Variants in NSUN4 observed in about 807,000 individuals in gnomAD.
The protein encoded by NSUN4 is NOP2/Sun RNA methyltransferase 4, also known as 5-cytosine rRNA methyltransferase NSUN4.
Under a neutral mutation model 43.8 loss-of-function variants are expected in NSUN4, and 31 were observed. The observed-to-expected ratio is 0.71, with a 90% CI of 0.53 to 0.96. The LOEUF (loss-of-function observed/expected upper bound fraction) is 0.96, where lower values mean the gene tolerates loss of function less well. Among genes scored for constraint, NSUN4 ranks in the 40% least tolerant of loss-of-function variants. The pLI is 0.00. For missense variants in NSUN4, 439 were observed against 475.6 expected (o/e 0.92, Z 0.72); for synonymous variants, 167 against 184.1 (o/e 0.91, Z 0.75).
rs769355173 is a variant in NSUN4, at chr1:46,361,632, A to G, written c.941A>G (p.His314Arg). The change falls in exon 6 of 6, where the codon CAC (histidine) becomes CGC (arginine). Residue 314 changes from histidine (H) to arginine (R), a missense_variant. By Grantham distance (29) the His-to-Arg change is conservative (BLOSUM62 0). Transcript: ENST00000474844. The part of the protein sequence containing the change: ...HVVYSTCSLS[H>R]LQNEYVVQGA... ...GTCTATTCTACCTGCTCACTCTCAC[A>G]CTTACAGAACGAGTATGTGGTGCAA... is the stretch of plus-strand genomic sequence containing the variant. 4 of 1,614,098 alleles carry G rather than the reference A, an allele frequency of 2.5e-6. No individual in the cohort carries two copies. The highest frequency in any genetic ancestry group is 3.4e-6 in the Non-Finnish European group (4 of 1,180,002).
intron 1 of NSUN4, 37 bp from the exon 2 acceptor site, chr1:46,344,764 A>G (rs980427856): frequency 6.3e-7 from 1 of 1,575,676 alleles, no homozygotes; most frequent in African/African-American, 1.3e-5. Flanking sequence ...TAGAGTCAAG[A>G]CTGGGAAAAC....
At chr1:46,383,346 C>T in the NSUN4 span, among the ~76,000 whole-genome samples, 1 of 152,074 alleles carries the variant, frequency 6.6e-6, no homozygotes, top group South Asian at 2.1e-4. Flanking sequence ...TGGTGCATGA[C>T]CAGCCTCCTG....
At chr1:46,370,244 G>C in the NSUN4 span, among the ~76,000 whole-genome samples, 9 of 152,196 alleles carry the variant, frequency 5.9e-5, no homozygotes, top group African/African-American at 1.7e-4. Flanking sequence ...AAGCAGATGT[G>C]TTTTGAGTAT....
At chr1:46,343,584 C>A in intron 1 of NSUN4, 1 of 400,088 alleles carries the variant, frequency 2.5e-6, no homozygotes. Flanking sequence ...CAAGAGTCCC[C>A]ATGATGGCAG....
intron 2 of NSUN4, among the ~76,000 whole-genome samples, chr1:46,345,994 CA>C (rs1292390780): frequency 6.6e-6 from 1 of 150,554 alleles, no homozygotes; most frequent in Non-Finnish European, 1.5e-5. Flanking sequence ...TACTAAAATA[CA>C]AAAAAATTAG....
intron 4 of NSUN4, among the ~76,000 whole-genome samples, chr1:46,353,978 T>C (rs893798207): frequency 6.6e-6 from 1 of 152,242 alleles, no homozygotes; most frequent in Non-Finnish European, 1.5e-5. Flanking sequence ...CTACTGGTAA[T>C]GAATGAGTAC....
At chr1:46,348,709 C>CAAAAAAAAA (rs34999763) in intron 3 of NSUN4, among the ~76,000 whole-genome samples, 2 of 52,140 alleles carry the variant, frequency 3.8e-5, no homozygotes, top group African/African-American at 1.6e-4. Flanking sequence ...AACTCTGTCT[C>CAAAAAAAAA]AAAAAAAAAA....
Position 46,349,232 on chromosome 1 carries a change from C to G in NSUN4, c.592+2157C>G, listed in dbSNP as rs544298145. Reference sequence around the variant, plus strand: ...TCGGCTCACTGCAAACTCCGCCTCCCGGGTTCATGCCATTCTCCTGCCTCA... The same window carrying G: ...TCGGCTCACTGCAAACTCCGCCTCCGGGGTTCATGCCATTCTCCTGCCTCA... On this transcript the variant is annotated intron_variant, in intron 3 of 5. Coordinates refer to ENST00000474844, the MANE Select transcript of NSUN4 (RefSeq NM_199044.4). Among the ~76,000 whole-genome samples, 3 of 151,020 alleles carry G rather than the reference C, an allele frequency of 2.0e-5. No homozygotes were observed. The South Asian group carries it at 6.3e-4, about 32-fold the overall frequency.
the NSUN4 span, among the ~76,000 whole-genome samples, chr1:46,384,222 T>C: frequency 6.6e-6 from 1 of 152,248 alleles, no homozygotes; most frequent in Non-Finnish European, 1.5e-5. Flanking sequence ...GACATAGTGA[T>C]TCTTTGAAGA....
intron 4 of NSUN4, among the ~76,000 whole-genome samples, chr1:46,359,550 AAT>A (rs370136322): frequency 0.22 from 31,647 of 143,448 alleles, 3,841 homozygotes; most frequent in Non-Finnish European, 0.29. Context: ...CGCCCGGCTA[AAT>A]TTTTTTTTTT....
At chr1:46,366,472 A>G (rs780509553), downstream of NSUN4, among the ~76,000 whole-genome samples, 9 of 152,142 alleles carry the variant, frequency 5.9e-5, no homozygotes, top group Non-Finnish European at 8.8e-5. Flanking sequence ...AAAATTTGTT[A>G]TTCATGACAA....
At chr1:46,359,029 G>A (rs1367321191) in intron 4 of NSUN4, among the ~76,000 whole-genome samples, 2 of 152,006 alleles carry the variant, frequency 1.3e-5, no homozygotes, top group Non-Finnish European at 2.9e-5. Context: ...AGGCTGAGGC[G>A]GGTAAATCAC....
chr1:46,382,734 T>G, the NSUN4 span, among the ~76,000 whole-genome samples: 86 of 152,196 alleles, frequency 5.7e-4, 1 homozygote, highest in East Asian at 0.014. Flanking sequence ...CCCAAGTAGC[T>G]GGGATTACAG....
chr1:46,370,041 C>T (rs1664211376), downstream of NSUN4, among the ~76,000 whole-genome samples: 1 of 152,158 alleles, frequency 6.6e-6, no homozygotes. Flanking sequence ...CTTTTGAGCT[C>T]CAAGCTGTTC....
the NSUN4 span, among the ~76,000 whole-genome samples, chr1:46,383,813 ATTTTCTTTTT>A: frequency 1.3e-5 from 2 of 151,826 alleles, no homozygotes; most frequent in African/African-American, 4.8e-5. Context: ...CAAATATAAA[ATTTTCTTTTT>A]TTTTCTTCTC....
intron 4 of NSUN4, among the ~76,000 whole-genome samples, chr1:46,357,117 T>G (rs1291662356): frequency 1.3e-5 from 2 of 152,198 alleles, no homozygotes; most frequent in Non-Finnish European, 2.9e-5. Context: ...TCCCTAAATG[T>G]TTCCTAAGTG....
At chr1:46,349,259 C>A (rs941353562) in intron 3 of NSUN4, among the ~76,000 whole-genome samples, 1 of 151,930 alleles carries the variant, frequency 6.6e-6, no homozygotes, top group South Asian at 2.1e-4. Flanking sequence ...CCTGCCTCAG[C>A]CTCCCAGATA....
At chr1:46,366,877 C>T (rs572803991), downstream of NSUN4, among the ~76,000 whole-genome samples, 23 of 152,160 alleles carry the variant, frequency 1.5e-4, no homozygotes, top group African/African-American at 5.3e-4. Context: ...AACAGTTGAA[C>T]CACAGCAGAG....
Position 46,347,015 on chromosome 1 carries a change from C to T in NSUN4, c.532C>T (p.Leu178Phe). ...ALGLQPGDIV[L>F]DLCAAPGGKT... ...CGGCCTGCAGCCTGGGGACATCGTGCTTGACCTATGTGCAGCTCCTGGGGG... is the reference window on the plus strand; with the variant it reads ...CGGCCTGCAGCCTGGGGACATCGTGTTTGACCTATGTGCAGCTCCTGGGGG... Residue 178 changes from leucine to phenylalanine, a missense_variant, in exon 3 of 6, where the codon CTT (leucine) becomes TTT (phenylalanine). Leu to Phe is a conservative substitution (Grantham distance 22, BLOSUM62 0). Coordinates refer to ENST00000474844, the MANE Select transcript of NSUN4 (RefSeq NM_199044.4). The T allele has an allele frequency of 6.2e-7, 1 of 1,614,190 alleles. No homozygotes were observed.
Sources: gnomAD v4.1 joint callset for allele counts (sites outside exome capture counted in the v4.1 genomes callset) on GRCh38, gnomAD v4.1.1 for gene constraint, MANE v1.5 for transcripts, NCBI Gene and HGNC (gene_info 2026-07-23, HGNC 2026-07-21) for gene names.